The following DCT variants were observed in gnomAD, a reference collection of about 807,000 sequenced individuals.
DCT encodes the protein L-dopachrome tautomerase.
In DCT, 47 loss-of-function variants were observed where a neutral mutation model predicts 53.0. The ratio of observed to expected loss-of-function variants is 0.89; its 90% CI spans 0.70 to 1.13. The LOEUF is 1.13. Ranked by LOEUF, DCT falls within the 50% of genes most tolerant of loss-of-function variation. DCT has a pLI of 0.00. For missense variants in DCT, 669 were observed against 637.4 expected (o/e 1.05, Z -0.53); for synonymous variants, 244 against 237.0 (o/e 1.03, Z -0.27).
the DCT span, among the ~76,000 whole-genome samples, chr13:94,518,992 T>C: frequency 1.7e-3 from 266 of 152,264 alleles, no homozygotes; most frequent in East Asian, 7.7e-3. Flanking sequence ...CACTCTTCTA[T>C]TTGAATGGAT....
the DCT span, among the ~76,000 whole-genome samples, chr13:94,541,073 T>C: frequency 6.6e-6 from 1 of 152,172 alleles, no homozygotes; most frequent in Non-Finnish European, 1.5e-5. Flanking sequence ...CACTCATATG[T>C]GGGAGCTAAA....
chr13:94,545,773 C>A, the DCT span, among the ~76,000 whole-genome samples: 3 of 152,000 alleles, frequency 2.0e-5, no homozygotes, highest in Non-Finnish European at 4.4e-5. Flanking sequence ...TATATATAAG[C>A]GGTGTGTGTA....
Position 94,470,193 on chromosome 13 carries a change from C to G in DCT, c.296-1148G>C, listed in dbSNP as rs1407726670. 2.6e-5 allele frequency among the ~76,000 whole-genome samples: 4 copies of G among 152,138 alleles called. No homozygotes were observed. The South Asian group carries it at 8.3e-4, about 31-fold the overall frequency. On this transcript the variant is annotated intron_variant, in intron 1 of 7. Coordinates refer to ENST00000377028, the MANE Select transcript of DCT (RefSeq NM_001922.5). ...TAGAAGAAATCTCACATTTAAAAAGCTGACTTATTTCACGAAGTTGACAGC... is the reference window on the plus strand; with the variant it reads ...TAGAAGAAATCTCACATTTAAAAAGGTGACTTATTTCACGAAGTTGACAGC...
At chr13:94,513,384 A>C in the DCT span, among the ~76,000 whole-genome samples, 1 of 152,162 alleles carries the variant, frequency 6.6e-6, no homozygotes, top group Non-Finnish European at 1.5e-5. Flanking sequence ...TCGTGTGGAG[A>C]GGTAACTATG....
At chr13:94,524,897 G>A in the DCT span, among the ~76,000 whole-genome samples, 3 of 152,090 alleles carry the variant, frequency 2.0e-5, no homozygotes, top group African/African-American at 2.4e-5. Context: ...TTAATAAAAG[G>A]GGAAATTTGG....
At chr13:94,513,704 C>T in the DCT span, among the ~76,000 whole-genome samples, 1 of 151,828 alleles carries the variant, frequency 6.6e-6, no homozygotes, top group Non-Finnish European at 1.5e-5. Flanking sequence ...AAGATAGATA[C>T]CGCTGGGCAC....
chr13:94,455,017 C>G (rs1285456810), intron 6 of DCT, among the ~76,000 whole-genome samples: 1 of 152,112 alleles, frequency 6.6e-6, no homozygotes, highest in Non-Finnish European at 1.5e-5. Context: ...TATCTCTGAA[C>G]CACGGGATTT....
the DCT span, among the ~76,000 whole-genome samples, chr13:94,532,222 G>C: frequency 3.3e-5 from 5 of 152,192 alleles, no homozygotes; most frequent in African/African-American, 1.2e-4. Context: ...GTGGAAGACA[G>C]TGTGGCGATT....
the DCT span, among the ~76,000 whole-genome samples, chr13:94,497,470 T>G: frequency 2.0e-5 from 3 of 152,162 alleles, no homozygotes; most frequent in Non-Finnish European, 4.4e-5. Flanking sequence ...CCCCCAAAAC[T>G]TAACTACTAA....
the DCT span, among the ~76,000 whole-genome samples, chr13:94,517,882 A>G: frequency 6.6e-6 from 1 of 152,080 alleles, no homozygotes; most frequent in African/African-American, 2.4e-5. Flanking sequence ...TGGAAGAGGC[A>G]AGGAATGAAT....
the DCT span, among the ~76,000 whole-genome samples, chr13:94,528,156 C>T: frequency 3.3e-5 from 5 of 152,136 alleles, no homozygotes; most frequent in Admixed American, 3.3e-4. Context: ...ACCAAATCTG[C>T]ATTTGATTGG....
intron 1 of DCT, among the ~76,000 whole-genome samples, chr13:94,470,399 C>A (rs890144919): frequency 1.3e-5 from 2 of 152,214 alleles, no homozygotes; most frequent in Admixed American, 6.5e-5. Flanking sequence ...TGATCAGCAT[C>A]TAAAGTTTAC....
At chr13:94,482,112 G>T (rs1885465636), upstream of DCT, among the ~76,000 whole-genome samples, 3 of 152,198 alleles carry the variant, frequency 2.0e-5, no homozygotes, top group Non-Finnish European at 4.4e-5. Flanking sequence ...ATTCAAGAGG[G>T]GAGAGTCCGG....
intron 6 of DCT, among the ~76,000 whole-genome samples, chr13:94,449,256 T>C (rs1373948338): frequency 6.6e-6 from 1 of 152,206 alleles, no homozygotes; most frequent in African/African-American, 2.4e-5. Context: ...AAAGTGTGCA[T>C]TATTTTTTCA....
Position 94,468,963 on chromosome 13 carries a change from A to C in DCT, c.378T>G (p.Ile126Met), listed in dbSNP as rs933213657. Residue 126 changes from isoleucine to methionine, a missense_variant, in exon 2 of 8, where the codon ATT becomes ATG. Physicochemically the swap from Ile to Met is conservative, Grantham distance 10. Transcript: ENST00000377028. ...GACTCAAGGAATGGATGTTCTGCCGAATCACTGGTGGTTTCTTCCGCTCGC... is the reference window on the plus strand; with the variant it reads ...GACTCAAGGAATGGATGTTCTGCCGCATCACTGGTGGTTTCTTCCGCTCGC... ...PNCERKKPPVIRQNIHSLSPQ... is the reference protein window; with the variant it reads ...PNCERKKPPVMRQNIHSLSPQ... The C allele has an allele frequency of 1.2e-6, 2 of 1,614,042 alleles. No individual in the cohort carries two copies. Among genetic ancestry groups the C allele is most frequent in the African/African-American group, 2.7e-5 (2 of 74,922 alleles).
chr13:94,475,546 T>C (rs751430204), intron 1 of DCT, among the ~76,000 whole-genome samples: 1 of 152,034 alleles, frequency 6.6e-6, no homozygotes, highest in Non-Finnish European at 1.5e-5. Context: ...GATAGGGAGT[T>C]GTAAAGTTAT....
the DCT span, among the ~76,000 whole-genome samples, chr13:94,518,986 C>T: frequency 0.021 from 3,237 of 152,220 alleles, 53 homozygotes; most frequent in Non-Finnish European, 0.034. Flanking sequence ...TGCCTACACT[C>T]TTCTATTTGA....
the DCT span, among the ~76,000 whole-genome samples, chr13:94,530,442 C>T: frequency 3.3e-5 from 5 of 152,116 alleles, no homozygotes; most frequent in African/African-American, 4.8e-5. Context: ...TTATCCACCA[C>T]AATCAAGTCG....
intron 6 of DCT, among the ~76,000 whole-genome samples, chr13:94,458,066 C>T (rs76580717): frequency 0.052 from 7,847 of 152,238 alleles, 299 homozygotes; most frequent in Non-Finnish European, 0.079. Context: ...TGAACATTGT[C>T]CAAGATGCAA....
Sources: allele counts gnomAD v4.1 joint callset (sites outside exome capture counted in the v4.1 genomes callset), GRCh38; gene constraint gnomAD v4.1.1; transcripts MANE v1.5; gene names NCBI Gene and HGNC (gene_info 2026-07-23, HGNC 2026-07-21).